The following IGFBP7 variants were observed in gnomAD, a reference collection of about 807,000 sequenced individuals.
IGFBP7 encodes insulin-like growth factor-binding protein 7.
A neutral mutation model predicts 29.4 loss-of-function variants in IGFBP7; 31 were observed. The observed-to-expected ratio is 1.05, with a 90% CI of 0.79 to 1.42. The LOEUF is 1.42. Ranked by LOEUF, IGFBP7 falls within the 40% of genes most tolerant of loss-of-function variation. The pLI is 0.00. For missense variants in IGFBP7, 393 were observed against 395.5 expected (o/e 0.99, Z 0.05); for synonymous variants, 172 against 174.9 (o/e 0.98, Z 0.13).
At chr4:57,046,426 T>C (rs1724363335) in intron 1 of IGFBP7, among the ~76,000 whole-genome samples, 1 of 152,146 alleles carries the variant, frequency 6.6e-6, no homozygotes, top group Non-Finnish European at 1.5e-5. Flanking sequence ...GCAAGGCAGA[T>C]CGAGAATTTA....
At chr4:57,083,516 C>T (rs1725422787) in intron 1 of IGFBP7, among the ~76,000 whole-genome samples, 1 of 152,150 alleles carries the variant, frequency 6.6e-6, no homozygotes, top group South Asian at 2.1e-4. Flanking sequence ...TACATGAGCT[C>T]TTGTTTACTA....
At chr4:57,070,884 G>A (rs1166301322) in intron 1 of IGFBP7, among the ~76,000 whole-genome samples, 1 of 152,196 alleles carries the variant, frequency 6.6e-6, no homozygotes, top group Non-Finnish European at 1.5e-5. Context: ...GATCAGTGTT[G>A]AATGCTGTAA....
Position 57,070,206 on chromosome 4 carries a change from A to G in IGFBP7, c.476-29273T>C, listed in dbSNP as rs549166136. On this transcript the variant is annotated intron_variant, in intron 1 of 4. Coordinates refer to ENST00000295666, the MANE Select transcript of IGFBP7 (RefSeq NM_001553.3). ...CTCTTTCTTCTAGAAGTTCTCCCAG[A>G]GTACCATATTTTTCCCTCAAAATGA... is the stretch of plus-strand genomic sequence containing the variant. 3.9e-5 allele frequency among the ~76,000 whole-genome samples: 6 copies of G among 152,342 alleles called. No homozygotes were observed. In the East Asian group the frequency reaches 1.2e-3, roughly 29 times the overall value.
intron 1 of IGFBP7, among the ~76,000 whole-genome samples, chr4:57,067,375 A>G: frequency 6.6e-6 from 1 of 152,194 alleles, no homozygotes; most frequent in African/African-American, 2.4e-5. Flanking sequence ...ATAATAAGTG[A>G]GATTAACTTG....
At chr4:57,048,383 G>A (rs1474086464) in intron 1 of IGFBP7, among the ~76,000 whole-genome samples, 1 of 152,150 alleles carries the variant, frequency 6.6e-6, no homozygotes, top group Non-Finnish European at 1.5e-5. Context: ...CTAGACAAAG[G>A]ACTCACAGAC....
chr4:57,090,955 T>C (rs942829341), intron 1 of IGFBP7, among the ~76,000 whole-genome samples: 1 of 152,250 alleles, frequency 6.6e-6, no homozygotes, highest in Non-Finnish European at 1.5e-5. Flanking sequence ...GGTTATTTTA[T>C]TCAGCAGAGC....
chr4:57,055,414 T>G (rs1339922669), intron 1 of IGFBP7, among the ~76,000 whole-genome samples: 1 of 152,082 alleles, frequency 6.6e-6, no homozygotes, highest in African/African-American at 2.4e-5. Flanking sequence ...ACTCAGATGA[T>G]TAGGAAGACA....
At chr4:57,042,356 T>A (rs550699685) in intron 1 of IGFBP7, among the ~76,000 whole-genome samples, 1 of 143,380 alleles carries the variant, frequency 7.0e-6, no homozygotes, top group East Asian at 2.1e-4. Flanking sequence ...TTAAGAAAAA[T>A]TTTATTTTTT....
At chr4:57,076,757 T>C (rs537709069) in intron 1 of IGFBP7, among the ~76,000 whole-genome samples, 168 of 152,312 alleles carry the variant, frequency 1.1e-3, no homozygotes, top group African/African-American at 3.8e-3. Context: ...GAATGAGCAG[T>C]CTTGATTTTA....
intron 1 of IGFBP7, among the ~76,000 whole-genome samples, chr4:57,106,645 C>T (rs1461024212): frequency 6.6e-6 from 1 of 152,170 alleles, no homozygotes. Flanking sequence ...GAATGACATT[C>T]TGATTCCAGA....
chr4:57,039,597 C>G (rs970166308), intron 2 of IGFBP7, among the ~76,000 whole-genome samples: 2 of 151,956 alleles, frequency 1.3e-5, no homozygotes, highest in African/African-American at 4.8e-5. Flanking sequence ...GCTGAGAAAC[C>G]CTGACTTGCA....
chr4:57,033,216 A>T lies in IGFBP7; in HGVS notation c.681T>A (p.His227Gln). The T allele has an allele frequency of 6.2e-7, 1 of 1,613,532 alleles. No individual in the cohort carries two copies. Among genetic ancestry groups the T allele is most frequent in the African/African-American group, 1.3e-5 (1 of 75,016 alleles). ...TCACCAGCACCCAGCCAGTTACTTC[A>T]TGCTTTTCTGGGCCACCCCGGGTCT... The part of the protein sequence containing the change: ...AIQTRGGPEK[H>Q]EVTGWVLVSP... Residue 227 changes from histidine (H) to glutamine (Q), a missense_variant, in exon 3 of 5, where the codon CAT becomes CAA. Coordinates refer to ENST00000295666, the MANE Select transcript of IGFBP7 (RefSeq NM_001553.3).
At position 57,033,087 on chromosome 4, in the gene IGFBP7, G is replaced by C. The variant is rs1723982130; in HGVS notation, c.702+108C>G. ...GGTAAGGCTATTCCAAACAGATGTG[G>C]AAGAGCAAGCACCTTTAGGCTGGCG... is the stretch of plus-strand genomic sequence containing the variant. On this transcript the variant is annotated intron_variant, in intron 3 of 4. Coordinates refer to ENST00000295666, the MANE Select transcript of IGFBP7 (RefSeq NM_001553.3). 4 of 813,852 alleles carry C rather than the reference G, an allele frequency of 4.9e-6. No individual in the cohort carries two copies. The South Asian group carries it at 5.3e-5, about 11-fold the overall frequency. The allele number at this position is 813,852 out of a possible 1,614,324, so 50.4% of individuals were successfully genotyped here. A position where few individuals can be genotyped will look rare whatever the true frequency, so the allele number is the denominator to read the frequency against.
chr4:57,042,550 G>A (rs191953665), intron 1 of IGFBP7, among the ~76,000 whole-genome samples: 13 of 152,240 alleles, frequency 8.5e-5, no homozygotes, highest in East Asian at 5.8e-4. Flanking sequence ...ATTTTGCCAC[G>A]TTGGCCAGGC....
intron 1 of IGFBP7, among the ~76,000 whole-genome samples, chr4:57,046,907 T>A (rs1724374853): frequency 6.6e-6 from 1 of 152,230 alleles, no homozygotes; most frequent in Admixed American, 6.5e-5. Context: ...CACACTCAAT[T>A]AATTCTCATT....
At chr4:57,083,395 CTTG>C (rs1031807038) in intron 1 of IGFBP7, among the ~76,000 whole-genome samples, 28 of 152,322 alleles carry the variant, frequency 1.8e-4, no homozygotes, top group African/African-American at 5.5e-4. Flanking sequence ...CATTTCAGGA[CTTG>C]TTGTGAAGTT....
At chr4:57,054,266 C>T (rs1423958105) in intron 1 of IGFBP7, among the ~76,000 whole-genome samples, 2 of 152,074 alleles carry the variant, frequency 1.3e-5, no homozygotes, top group African/African-American at 4.8e-5. Context: ...GGAGGCTCAC[C>T]CATCTTTAAA....
intron 1 of IGFBP7, among the ~76,000 whole-genome samples, chr4:57,088,348 T>A (rs570020495): frequency 6.6e-6 from 1 of 152,302 alleles, no homozygotes; most frequent in African/African-American, 2.4e-5. Flanking sequence ...AAATATAATG[T>A]TAAAATAAGG....
intron 1 of IGFBP7, among the ~76,000 whole-genome samples, chr4:57,077,512 A>T (rs1725256843): frequency 6.6e-6 from 1 of 152,188 alleles, no homozygotes; most frequent in South Asian, 2.1e-4. Context: ...TCCTGACTTC[A>T]AGTGATCTGC....
Sources: allele counts gnomAD v4.1 joint callset (sites outside exome capture counted in the v4.1 genomes callset), GRCh38; gene constraint gnomAD v4.1.1; transcripts MANE v1.5; gene names NCBI Gene and HGNC (gene_info 2026-07-23, HGNC 2026-07-21).